The following CFAP70 variants were observed in gnomAD, a reference collection of about 807,000 sequenced individuals.
The protein encoded by CFAP70 is cilia and flagella associated protein 70.
Under a neutral mutation model 137.6 loss-of-function variants are expected in CFAP70, and 81 were observed. The observed-to-expected ratio is 0.59, with a 90% CI of 0.49 to 0.71. CFAP70 has a LOEUF of 0.71. Among genes scored for constraint, CFAP70 ranks in the 30% least tolerant of loss-of-function variants. The pLI, the probability that CFAP70 is intolerant of heterozygous loss-of-function variation, is 0.00. For synonymous variants in CFAP70, 382 were observed against 423.6 expected, an observed-to-expected ratio of 0.90 and a Z score of 1.20; for missense variants, 976 against 1,226.7, an observed-to-expected ratio of 0.80 and a Z score of 3.05.
chr10:73,313,826 A>C (rs989532337), intron 9 of CFAP70, among the ~76,000 whole-genome samples: 1 of 152,150 alleles, frequency 6.6e-6, no homozygotes, highest in African/African-American at 2.4e-5. Flanking sequence ...TGGGCAATAG[A>C]GTGAGACTCC....
chr10:73,338,119 A>G (rs1422842901), intron 6 of CFAP70, among the ~76,000 whole-genome samples: 1 of 150,634 alleles, frequency 6.6e-6, no homozygotes. Flanking sequence ...TTTGAATTGC[A>G]TGGGTCCACT....
At chr10:73,312,325 C>T in intron 10 of CFAP70, 148 bp downstream of exon 11, 2 of 642,060 alleles carry the variant, frequency 3.1e-6, no homozygotes, top group South Asian at 4.4e-5. Flanking sequence ...TGTAACAAAC[C>T]TGCACATTCT....
intron 7 of CFAP70, among the ~76,000 whole-genome samples, chr10:73,333,635 TA>T (rs2052344178): frequency 6.6e-6 from 1 of 152,144 alleles, no homozygotes; most frequent in African/African-American, 2.4e-5. Flanking sequence ...CCCGCCAACT[TA>T]GAATTCCGTA....
intron 19 of CFAP70, among the ~76,000 whole-genome samples, chr10:73,280,473 A>G (rs1176961880): frequency 2.0e-5 from 3 of 151,908 alleles, no homozygotes; most frequent in Non-Finnish European, 4.4e-5. Flanking sequence ...CTTTTTCTCT[A>G]TTTTTTGAAC....
At chr10:73,292,149 A>C (rs2048222806) in intron 16 of CFAP70, 135 bp from the exon 18 acceptor site, 1 of 1,060,756 alleles carries the variant, frequency 9.4e-7, no homozygotes, top group African/African-American at 1.6e-5. Context: ...CTTATCACTG[A>C]ATCTCAAATG....
At chr10:73,256,476 T>C (rs922908129) in intron 25 of CFAP70, 60 bp from the exon 27 acceptor site, 10 of 1,594,906 alleles carry the variant, frequency 6.3e-6, no homozygotes, top group Non-Finnish European at 8.6e-6. Context: ...GTAAGGAAAA[T>C]ACATTGCCTC....
exon 27 of CFAP70, chr10:73,253,876 ATTCT>A: frequency 3.2e-6 from 3 of 924,078 alleles, no homozygotes; most frequent in Middle Eastern, 2.3e-4. Flanking sequence ...TATAGTGAAG[ATTCT>A]TTCGTTCTCC....
Position 73,306,285 on chromosome 10 carries a change from A to C in CFAP70, c.1256+3873T>G, listed in dbSNP as rs148823436. The stretch of plus-strand genomic sequence containing the variant: ...AGAAAGGGGGAAGAAAGAATTTTTA[A>C]GAAATAATGGCCCAAAACTTCCCAA... On this transcript the variant is annotated intron_variant, in intron 12 of 26. Coordinates refer to ENST00000310715, the Ensembl canonical transcript of CFAP70. Among the ~76,000 whole-genome samples, 1,171 of 152,262 alleles carry C rather than the reference A, an allele frequency of 7.7e-3. 14 individuals are homozygous for C. Among genetic ancestry groups the C allele is most frequent in the African/African-American group, 0.027 (1,106 of 41,554 alleles).
intron 4 of CFAP70, chr10:73,348,203 G>A (rs2053887457): frequency 6.2e-7 from 1 of 1,614,104 alleles, no homozygotes; most frequent in Admixed American, 1.7e-5. Context: ...TGCACAGGGT[G>A]CAATGGAACT....
At chr10:73,290,315 G>T (rs916551373) in intron 19 of CFAP70, among the ~76,000 whole-genome samples, 1 of 152,106 alleles carries the variant, frequency 6.6e-6, no homozygotes, top group African/African-American at 2.4e-5. Context: ...AAAATTCCAG[G>T]TGTTTTCTAG....
At chr10:73,354,693 C>A (rs1416436495) in intron 2 of CFAP70, 41 bp downstream of exon 2, 1 of 1,583,652 alleles carries the variant, frequency 6.3e-7, no homozygotes, top group Non-Finnish European at 8.7e-7. Flanking sequence ...GCAGGTACTC[C>A]CAAACTAAGG....
At chr10:73,325,049 TTGAAA>T (rs1287925042) in intron 8 of CFAP70, among the ~76,000 whole-genome samples, 1 of 151,182 alleles carries the variant, frequency 6.6e-6, no homozygotes, top group African/African-American at 2.4e-5. Context: ...TTCACCAAAG[TTGAAA>T]TGAAGGAAAA....
At chr10:73,276,325 CTTCTT>C (rs1248932308) in intron 21 of CFAP70, 5 of 152,052 alleles carry the variant, frequency 3.3e-5, no homozygotes, top group Admixed American at 1.3e-4. Flanking sequence ...AGGGTAAATC[CTTCTT>C]TTCATCTCCC....
chr10:73,341,365 G>A, intron 6 of CFAP70, 34 bp downstream of exon 7: 1 of 1,556,458 alleles, frequency 6.4e-7, no homozygotes, highest in East Asian at 2.3e-5. Context: ...AGTACACTAA[G>A]TTTATCACAA....
exon 18 of CFAP70, chr10:73,291,716 G>A (rs1423118591): frequency 6.2e-7 from 1 of 1,614,138 alleles, no homozygotes; most frequent in East Asian, 2.2e-5. Flanking sequence ...CTTGCTCATA[G>A]TTCTCCAACA....
chr10:73,347,858 T>C (rs2053851290), intron 4 of CFAP70, among the ~76,000 whole-genome samples: 1 of 152,210 alleles, frequency 6.6e-6, no homozygotes, highest in Non-Finnish European at 1.5e-5. Context: ...AAGAGTTATT[T>C]CCATGGTTAA....
At chr10:73,256,580 G>C (rs936839806) in intron 25 of CFAP70, among the ~76,000 whole-genome samples, 164 bp from the exon 27 acceptor site, 4 of 152,092 alleles carry the variant, frequency 2.6e-5, no homozygotes, top group Non-Finnish European at 4.4e-5. Flanking sequence ...CAAATGAAAG[G>C]TGGTAGGGAG....
intron 1 of CFAP70, among the ~76,000 whole-genome samples, chr10:73,357,567 C>T (rs1384275218): frequency 6.6e-6 from 1 of 152,160 alleles, no homozygotes; most frequent in Non-Finnish European, 1.5e-5. Flanking sequence ...GATCGTATCA[C>T]TGTCTTGTTC....
chr10:73,315,680 C>T (rs566002869), intron 9 of CFAP70, among the ~76,000 whole-genome samples: 6 of 152,314 alleles, frequency 3.9e-5, no homozygotes, highest in African/African-American at 1.2e-4. Flanking sequence ...CCACCTACCT[C>T]AGCCTCCCAA....
Sources: gnomAD v4.1 joint callset for allele counts (sites outside exome capture counted in the v4.1 genomes callset) on GRCh38, gnomAD v4.1.1 for gene constraint, MANE v1.5 for transcripts, NCBI Gene and HGNC (gene_info 2026-07-23, HGNC 2026-07-21) for gene names.